The following KCNT2 variants were observed in gnomAD, a reference collection of about 807,000 sequenced individuals.
KCNT2 encodes the protein potassium sodium-activated channel subfamily T member 2.
Under a neutral mutation model 153.8 loss-of-function variants are expected in KCNT2, and 67 were observed. That is an observed-to-expected ratio of 0.44 (90% CI 0.36 to 0.53). The LOEUF (loss-of-function observed/expected upper bound fraction) is 0.53, where lower values mean the gene tolerates loss of function less well. Ranked by LOEUF, KCNT2 falls within the 20% of genes least tolerant of loss-of-function variation. The probability of loss-of-function intolerance (pLI) is 0.00; values close to 1 mark genes in which losing one functional copy is unlikely to be tolerated. For synonymous variants in KCNT2, 500 were observed against 458.8 expected (o/e 1.09, Z -1.15); for missense variants, 975 against 1,354.8 (o/e 0.72, Z 4.40).
At chr1:196,275,409 C>CT (rs5779830) in intron 25 of KCNT2, among the ~76,000 whole-genome samples, 150,485 of 151,662 alleles carry the variant, frequency 0.99, 74,671 homozygotes, top group Middle Eastern at 1. Flanking sequence ...TTACTTTCTG[C>CT]TGTGTTTGTG....
chr1:196,485,302 G>C (rs573390106), intron 3 of KCNT2, among the ~76,000 whole-genome samples: 4 of 152,054 alleles, frequency 2.6e-5, no homozygotes, highest in Admixed American at 2.0e-4. Flanking sequence ...GTTGGGGATT[G>C]GGGGGCGAGG....
chr1:196,345,508 A>T (rs781442598), intron 14 of KCNT2, among the ~76,000 whole-genome samples: 6 of 152,178 alleles, frequency 3.9e-5, no homozygotes, highest in Non-Finnish European at 5.9e-5. Context: ...GGGATCATGT[A>T]GGACTTTATA....
intron 1 of KCNT2, among the ~76,000 whole-genome samples, chr1:196,570,793 TA>T (rs990686772): frequency 6.6e-6 from 1 of 152,094 alleles, no homozygotes; most frequent in African/African-American, 2.4e-5. Flanking sequence ...TGATGAAGAT[TA>T]AAGGTCTGAC....
At chr1:196,466,636 A>G (rs1354106892) in intron 7 of KCNT2, among the ~76,000 whole-genome samples, 2 of 152,058 alleles carry the variant, frequency 1.3e-5, no homozygotes, top group African/African-American at 2.4e-5. Context: ...GTATCTGTGT[A>G]CATTTTGTAT....
chr1:196,342,631 G>C (rs1226171531), intron 14 of KCNT2, among the ~76,000 whole-genome samples: 3 of 151,134 alleles, frequency 2.0e-5, no homozygotes, highest in Non-Finnish European at 2.9e-5. Flanking sequence ...CCATAATATG[G>C]CCAACGTTAT....
At chr1:196,541,683 A>G (rs1252420943) in intron 1 of KCNT2, among the ~76,000 whole-genome samples, 1 of 152,148 alleles carries the variant, frequency 6.6e-6, no homozygotes, top group African/African-American at 2.4e-5. Flanking sequence ...AGGATATTTT[A>G]TATTCTACTA....
chr1:196,339,520 C>CAGAGAGAGAGAGAGAGAGAG (rs5779831), intron 16 of KCNT2, among the ~76,000 whole-genome samples: 22 of 138,010 alleles, frequency 1.6e-4, no homozygotes, highest in African/African-American at 6.3e-4. Context: ...CACACACACA[C>CAGAGAGAGAGAGAGAGAGAG]AGAGAGAGAG....
chr1:196,478,274 T>C (rs1428185585), intron 5 of KCNT2, among the ~76,000 whole-genome samples: 1 of 152,208 alleles, frequency 6.6e-6, no homozygotes, highest in Non-Finnish European at 1.5e-5. Flanking sequence ...CAACACATCT[T>C]AACTGAGCAC....
chr1:196,437,442 G>A (rs1674823435), intron 8 of KCNT2, among the ~76,000 whole-genome samples: 1 of 139,830 alleles, frequency 7.2e-6, no homozygotes, highest in South Asian at 2.2e-4. Context: ...GGTTTTGGTA[G>A]TTACCTAATT....
At chr1:196,301,804 A>G (rs987520197) in intron 22 of KCNT2, among the ~76,000 whole-genome samples, 11 of 152,138 alleles carry the variant, frequency 7.2e-5, no homozygotes, top group African/African-American at 2.4e-4. Context: ...CAATGGCACA[A>G]TCTTGGCTCA....
At chr1:196,391,482 C>T (rs1390747321) in intron 13 of KCNT2, among the ~76,000 whole-genome samples, 2 of 151,222 alleles carry the variant, frequency 1.3e-5, no homozygotes, top group Non-Finnish European at 3.0e-5. Context: ...TTATTTTACT[C>T]TGGTACTCAG....
chr1:196,373,886 C>T (rs1668730420), intron 13 of KCNT2, among the ~76,000 whole-genome samples: 1 of 151,706 alleles, frequency 6.6e-6, no homozygotes, highest in South Asian at 2.1e-4. Flanking sequence ...TAGGGTCCAA[C>T]CAGAAAACAT....
At chr1:196,284,248 AATATATATATAT>A (rs1553271463) in intron 23 of KCNT2, among the ~76,000 whole-genome samples, 11 of 10,046 alleles carry the variant, frequency 1.1e-3, no homozygotes, top group African/African-American at 1.4e-3. Context: ...AAAAAAAAAA[AATATATATATAT>A]ATATATATAT....
At chr1:196,531,696 T>C (rs1280024080) in intron 1 of KCNT2, among the ~76,000 whole-genome samples, 1 of 152,046 alleles carries the variant, frequency 6.6e-6, no homozygotes, top group East Asian at 1.9e-4. Context: ...AAATGTAGAT[T>C]TGTGATAAGT....
In KCNT2 at chr1:196,477,655, T is replaced by C. The variant is rs548158019; in HGVS notation, c.384+1524A>G. 6.6e-5 allele frequency among the ~76,000 whole-genome samples: 10 copies of C among 152,228 alleles called. No homozygotes were observed. The East Asian group carries it at 1.9e-3, about 29-fold the overall frequency. On this transcript the variant is annotated intron_variant, in intron 5 of 27. Transcript: ENST00000294725. ...TATGAGTTCCCCAAAAACATAACCT[T>C]GAGTACACTTGATAGAGTAGATGAA...
intron 25 of KCNT2, among the ~76,000 whole-genome samples, chr1:196,262,708 T>C (rs1233106794): frequency 6.6e-6 from 1 of 152,104 alleles, no homozygotes; most frequent in Non-Finnish European, 1.5e-5. Flanking sequence ...CTGTGATCTA[T>C]GCAGAGAAAG....
chr1:196,360,707 C>T (rs1667545944), intron 14 of KCNT2, among the ~76,000 whole-genome samples: 1 of 152,032 alleles, frequency 6.6e-6, no homozygotes. Flanking sequence ...TGTGAGGACA[C>T]AGCGAGAATA....
chr1:196,602,225 T>C (rs952543477), intron 1 of KCNT2, among the ~76,000 whole-genome samples: 1 of 152,220 alleles, frequency 6.6e-6, no homozygotes, highest in Non-Finnish European at 1.5e-5. Flanking sequence ...GTGAACTTAA[T>C]TTCAAATTGT....
intron 14 of KCNT2, among the ~76,000 whole-genome samples, chr1:196,350,846 T>G (rs1480270695): frequency 2.0e-5 from 3 of 152,130 alleles, no homozygotes; most frequent in Non-Finnish European, 4.4e-5. Context: ...GGTCTAACGT[T>G]TAAGTCTTTA....
Sources: allele counts gnomAD v4.1 joint callset (sites outside exome capture counted in the v4.1 genomes callset), GRCh38; gene constraint gnomAD v4.1.1; transcripts MANE v1.5; gene names NCBI Gene and HGNC (gene_info 2026-07-23, HGNC 2026-07-21).